Variants in CNTNAP2 observed in about 807,000 individuals in gnomAD.
The protein encoded by CNTNAP2 is contactin associated protein 2.
Under a neutral mutation model 155.2 loss-of-function variants are expected in CNTNAP2, and 98 were observed. That is an observed-to-expected ratio of 0.63 (90% CI 0.54 to 0.75). CNTNAP2 has a LOEUF of 0.75. Among genes scored for constraint, CNTNAP2 ranks in the 30% least tolerant of loss-of-function variants. The pLI is 0.00. For missense variants in CNTNAP2, 1,727 were observed against 1,688.1 expected, an observed-to-expected ratio of 1.02 and a Z score of -0.40; for synonymous variants, 651 against 631.2, an observed-to-expected ratio of 1.03 and a Z score of -0.47.
chr7:147,501,353 A>G lies in CNTNAP2; in HGVS notation c.1777+15312A>G, dbSNP rs550314915. Among the ~76,000 whole-genome samples, 11 of 152,212 alleles carry G rather than the reference A, an allele frequency of 7.2e-5. No homozygotes were observed. In the South Asian group the frequency reaches 2.3e-3, roughly 32 times the overall value. On this transcript the variant is annotated intron_variant, in intron 11 of 23. Coordinates refer to ENST00000361727, the MANE Select transcript of CNTNAP2 (RefSeq NM_014141.6). ...AAGGATCCCCACTCCTGTCACTTCT[A>G]TTCAACAATGCACTGAAAGTCGTAA...
intron 2 of CNTNAP2, among the ~76,000 whole-genome samples, chr7:146,786,303 A>C (rs1802572998): frequency 6.6e-6 from 1 of 152,208 alleles, no homozygotes; most frequent in South Asian, 2.1e-4. Flanking sequence ...GGGAGGACTT[A>C]ATCTAATAAT....
intron 1 of CNTNAP2, among the ~76,000 whole-genome samples, chr7:146,609,273 C>T (rs1335462245): frequency 1.3e-5 from 2 of 152,286 alleles, no homozygotes; most frequent in South Asian, 2.1e-4. Context: ...TGAGCATTAT[C>T]GGTATTTGCA....
rs1014673326 is a variant in CNTNAP2, at chr7:147,566,333, G to C, written c.1897+4076G>C. Among the ~76,000 whole-genome samples the C allele has an allele frequency of 2.3e-4, 29 of 128,202 alleles. 1 individual carries two copies. In the South Asian group the frequency reaches 8.3e-3, roughly 37 times the overall value. The allele number at this position is 128,202 out of a possible 152,430, so 84.1% of individuals were successfully genotyped here. A position where few individuals can be genotyped will look rare whatever the true frequency, so the allele number is the denominator to read the frequency against. On this transcript the variant is annotated intron_variant, in intron 12 of 23. Transcript: ENST00000361727. Reference sequence around the variant, plus strand: ...GAGTAAGAGGAGGAGGAGGGGTAGAGGGAGGGGGAGGGGAAAGGAAGGGGG... The same window carrying C: ...GAGTAAGAGGAGGAGGAGGGGTAGACGGAGGGGGAGGGGAAAGGAAGGGGG...
At chr7:146,429,810 G>T (rs753587442) in intron 1 of CNTNAP2, among the ~76,000 whole-genome samples, 1 of 151,944 alleles carries the variant, frequency 6.6e-6, no homozygotes, top group Non-Finnish European at 1.5e-5. Context: ...GGCTTACAAG[G>T]GAAATGCTTC....
At chr7:146,689,198 A>G (rs1042677598) in intron 1 of CNTNAP2, among the ~76,000 whole-genome samples, 3 of 152,042 alleles carry the variant, frequency 2.0e-5, no homozygotes, top group Non-Finnish European at 1.5e-5. Flanking sequence ...CCTTGAGTAA[A>G]TTACTCCATT....
chr7:148,171,895 G>A (rs148863610), intron 17 of CNTNAP2, among the ~76,000 whole-genome samples: 4 of 152,270 alleles, frequency 2.6e-5, no homozygotes, highest in African/African-American at 9.6e-5. Context: ...TACAGAACTC[G>A]ATGTTGTGAG....
At chr7:146,678,208 T>A in intron 1 of CNTNAP2, among the ~76,000 whole-genome samples, 1 of 151,212 alleles carries the variant, frequency 6.6e-6, no homozygotes, top group African/African-American at 2.4e-5. Flanking sequence ...AGCTGGGATT[T>A]TAGGCGACCA....
At chr7:147,700,941 C>T (rs572180539) in intron 13 of CNTNAP2, among the ~76,000 whole-genome samples, 27 of 152,262 alleles carry the variant, frequency 1.8e-4, no homozygotes, top group African/African-American at 6.3e-4. Flanking sequence ...AGTGGAACAC[C>T]GCTGGGCAGG....
rs185908839 is a variant in CNTNAP2 at position 146,246,073 on chromosome 7, T to C, written c.97+129100T>C. On this transcript the variant is annotated intron_variant, in intron 1 of 23. Transcript: ENST00000361727. ...TTATAGGCTTTAAAAGGCCATGCTG[T>C]AGCAGGCAAGTGATAGCAGGCTTTA... Among the ~76,000 whole-genome samples, 603 of 152,036 alleles carry C rather than the reference T, an allele frequency of 4.0e-3. 5 individuals carry two copies. The East Asian group carries it at 0.064, about 16-fold the overall frequency.
chr7:147,647,680 T>C (rs1184238506), intron 13 of CNTNAP2, among the ~76,000 whole-genome samples: 2 of 152,158 alleles, frequency 1.3e-5, no homozygotes. Context: ...CATGCCCAGC[T>C]TCTAGACATC....
At position 148,007,124 on chromosome 7, in the gene CNTNAP2, C is replaced by T. The variant is rs142840965; in HGVS notation, c.2383+29135C>T. On this transcript the variant is annotated intron_variant, in intron 15 of 23. Transcript: ENST00000361727. ...AGCCACATGCAGTACATGTGCTTTACGCATTTCATTATTGCATCTCTTTGT... is the reference window on the plus strand; with the variant it reads ...AGCCACATGCAGTACATGTGCTTTATGCATTTCATTATTGCATCTCTTTGT... Among the ~76,000 whole-genome samples, 623 of 152,296 alleles carry T rather than the reference C, an allele frequency of 4.1e-3. 6 individuals are homozygous for T. Among genetic ancestry groups the T allele is most frequent in the Non-Finnish European group, 6.9e-3 (466 of 68,028 alleles).
intron 8 of CNTNAP2, among the ~76,000 whole-genome samples, chr7:147,261,936 C>G (rs1804477529): frequency 6.6e-6 from 1 of 152,128 alleles, no homozygotes; most frequent in African/African-American, 2.4e-5. Context: ...TAACTATAAG[C>G]TAGACATAAG....
chr7:147,213,073 A>G (rs1224355861), intron 8 of CNTNAP2, among the ~76,000 whole-genome samples: 3 of 152,136 alleles, frequency 2.0e-5, no homozygotes, highest in Non-Finnish European at 4.4e-5. Flanking sequence ...TTATTGTAGG[A>G]ATTTGTTCAT....
intron 14 of CNTNAP2, among the ~76,000 whole-genome samples, chr7:147,956,700 A>G (rs1801021604): frequency 6.6e-6 from 1 of 152,210 alleles, no homozygotes; most frequent in Admixed American, 6.5e-5. Context: ...CCATCATATC[A>G]GGAAAAGCTG....
At chr7:146,142,069 A>G (rs138024980) in intron 1 of CNTNAP2, among the ~76,000 whole-genome samples, 18 of 152,276 alleles carry the variant, frequency 1.2e-4, no homozygotes, top group African/African-American at 3.4e-4. Flanking sequence ...ATTAACCCAC[A>G]TCTCACCATA....
At chr7:146,794,462 A>T (rs1038720900) in intron 2 of CNTNAP2, among the ~76,000 whole-genome samples, 1 of 152,198 alleles carries the variant, frequency 6.6e-6, no homozygotes, top group Non-Finnish European at 1.5e-5. Flanking sequence ...AAATCATTGA[A>T]TTATTTCTCT....
chr7:147,857,434 A>G (rs1274850350), intron 13 of CNTNAP2, among the ~76,000 whole-genome samples: 1 of 152,198 alleles, frequency 6.6e-6, no homozygotes, highest in Non-Finnish European at 1.5e-5. Flanking sequence ...TATTCACTCA[A>G]TTTGAAAAAA....
intron 1 of CNTNAP2, among the ~76,000 whole-genome samples, chr7:146,649,132 A>G (rs1376690398): frequency 6.6e-6 from 1 of 152,108 alleles, no homozygotes; most frequent in Non-Finnish European, 1.5e-5. Flanking sequence ...TGAATATTCT[A>G]TGGTTTTAGA....
intron 15 of CNTNAP2, among the ~76,000 whole-genome samples, chr7:148,110,105 T>A (rs1020942620): frequency 2.7e-4 from 41 of 152,252 alleles, no homozygotes; most frequent in African/African-American, 9.4e-4. Flanking sequence ...AGGCAAACTC[T>A]CGGTGGGCTT....
Sources: allele counts gnomAD v4.1 joint callset (sites outside exome capture counted in the v4.1 genomes callset), GRCh38; gene constraint gnomAD v4.1.1; transcripts MANE v1.5; gene names NCBI Gene and HGNC (gene_info 2026-07-23, HGNC 2026-07-21).